CES5A: variants seen among roughly 807,000 people sequenced by gnomAD.
The protein encoded by CES5A is carboxylesterase 5.
Under a neutral mutation model 62.9 loss-of-function variants are expected in CES5A, and 67 were observed. The ratio of observed to expected loss-of-function variants is 1.07; its 90% CI spans 0.88 to 1.31. The LOEUF (loss-of-function observed/expected upper bound fraction) is 1.31. CES5A is among the 50% of genes most tolerant of loss of function. The pLI is 0.00. For missense variants in CES5A, 748 were observed against 708.5 expected, an observed-to-expected ratio of 1.06 and a Z score of -0.63; for synonymous variants, 296 against 280.8, an observed-to-expected ratio of 1.05 and a Z score of -0.54.
At chr16:55,882,646 G>A (rs536730150) in intron 1 of CES5A, among the ~76,000 whole-genome samples, 7 of 152,336 alleles carry the variant, frequency 4.6e-5, no homozygotes, top group African/African-American at 1.7e-4. Flanking sequence ...ATGTCTAGGT[G>A]TGGAATGTGC....
At position 55,846,808 on chromosome 16, in the gene CES5A, G is replaced by A. The variant is rs142917769; in HGVS notation, c.1456C>T (p.Arg486Trp). The A allele has an allele frequency of 8.2e-4, 1,316 of 1,614,054 alleles. 10 individuals carry two copies. In the Middle Eastern group the frequency reaches 0.012, roughly 15 times the overall value. ...GATEEEKLLSRKMMKYWATFA... is the reference protein window; with the variant it reads ...GATEEEKLLSWKMMKYWATFA... ...GTAGCCCAGTATTTCATCATCTTCC[G>A]GCTCAGTAACTTCTCCTCCTCCGTG... The change falls in exon 12 of 13, where the codon CGG (arginine) becomes TGG (tryptophan). Residue 486 changes from arginine (R) to tryptophan (W), a missense_variant. Physicochemically the swap from Arg to Trp is moderately radical, Grantham distance 101. Transcript: ENST00000290567.
intron 4 of CES5A, among the ~76,000 whole-genome samples, chr16:55,868,945 A>T (rs576120895): frequency 2.0e-5 from 3 of 152,244 alleles, no homozygotes; most frequent in Admixed American, 6.5e-5. Flanking sequence ...ATGCATGGCA[A>T]GTGCACAGCC....
intron 1 of CES5A, among the ~76,000 whole-genome samples, chr16:55,922,250 T>A (rs2034212763): frequency 6.6e-6 from 1 of 151,968 alleles, no homozygotes; most frequent in Admixed American, 6.6e-5. Context: ...AAAGACATAG[T>A]ACCTGAATGA....
chr16:55,877,921 G>A (rs774690602), upstream of CES5A, among the ~76,000 whole-genome samples: 10 of 152,148 alleles, frequency 6.6e-5, no homozygotes, highest in African/African-American at 1.2e-4. Flanking sequence ...GGAAAGGAGC[G>A]GCAATAGAAA....
chr16:55,888,325 G>T (rs375374511), intron 1 of CES5A, among the ~76,000 whole-genome samples: 48 of 152,296 alleles, frequency 3.2e-4, no homozygotes, highest in African/African-American at 1.1e-3. Context: ...TCCTTCTGAT[G>T]TTGGAAAGTC....
intron 10 of CES5A, among the ~76,000 whole-genome samples, chr16:55,850,850 T>C (rs1237980746): frequency 2.0e-5 from 3 of 152,246 alleles, no homozygotes; most frequent in African/African-American, 7.2e-5. Context: ...AGCAGCAGTG[T>C]ATGAGAGTTT....
chr16:55,950,414 T>C (rs1291233043), intron 1 of CES5A, among the ~76,000 whole-genome samples: 7 of 152,184 alleles, frequency 4.6e-5, no homozygotes, highest in African/African-American at 1.7e-4. Flanking sequence ...GTAGCACACA[T>C]ACAAAATTAT....
At chr16:55,949,315 G>A (rs1358515320) in intron 2 of CES5A, among the ~76,000 whole-genome samples, 5 of 152,186 alleles carry the variant, frequency 3.3e-5, no homozygotes, top group Admixed American at 2.6e-4. Flanking sequence ...GTGATCCTTC[G>A]GAACTGCCTG....
At chr16:55,941,786 G>A (rs1362394) in intron 2 of CES5A, among the ~76,000 whole-genome samples, 8,253 of 152,120 alleles carry the variant, frequency 0.054, 544 homozygotes, top group African/African-American at 0.15. Flanking sequence ...ATAGCATAAG[G>A]GAGTTTCTTG....
chr16:55,875,130 T>C lies in CES5A; in HGVS notation c.73+19A>G. The C allele has an allele frequency of 5.0e-6, 8 of 1,612,050 alleles. No individual in the cohort carries two copies. The highest frequency in any genetic ancestry group is 6.8e-6 in the Non-Finnish European group (8 of 1,178,116). Reference sequence around the variant, plus strand: ...CACCCCATCTTCTGAGAGCCCTCCTTTCCCATTGGATATCTCACCTTTGGT... The same window carrying C: ...CACCCCATCTTCTGAGAGCCCTCCTCTCCCATTGGATATCTCACCTTTGGT... On this transcript the variant is annotated intron_variant, in intron 1 of 12. Transcript: ENST00000290567.
At chr16:55,948,394 C>T (rs1597163209) in intron 2 of CES5A, among the ~76,000 whole-genome samples, 1 of 152,198 alleles carries the variant, frequency 6.6e-6, no homozygotes, top group Non-Finnish European at 1.5e-5. Flanking sequence ...AGTTAATCTG[C>T]ACTTTACATA....
intron 1 of CES5A, among the ~76,000 whole-genome samples, chr16:55,889,824 T>C (rs1475025384): frequency 6.6e-6 from 1 of 152,162 alleles, no homozygotes; most frequent in Non-Finnish European, 1.5e-5. Flanking sequence ...CCCCCAGCCA[T>C]CAGTCATCTC....
At chr16:55,876,547 T>A (rs2033696426), upstream of CES5A, among the ~76,000 whole-genome samples, 1 of 151,924 alleles carries the variant, frequency 6.6e-6, no homozygotes, top group Non-Finnish European at 1.5e-5. Flanking sequence ...GTGCCCTGAC[T>A]CCCCCTCTTA....
At chr16:55,889,340 G>A (rs1458800708) in intron 1 of CES5A, among the ~76,000 whole-genome samples, 1 of 152,130 alleles carries the variant, frequency 6.6e-6, no homozygotes, top group African/African-American at 2.4e-5. Context: ...AGTCCCATAA[G>A]CCTGCTCCCC....
In CES5A at chr16:55,918,433, G is replaced by A. The variant is rs78026033; in HGVS notation, c.-256+6890C>T. 8.0e-3 allele frequency among the ~76,000 whole-genome samples: 1,213 copies of A among 152,244 alleles called. 16 individuals carry two copies. Among genetic ancestry groups the A allele is most frequent in the African/African-American group, 0.024 (980 of 41,526 alleles). On this transcript the variant is annotated intron_variant, in intron 1 of 12. Coordinates refer to the CES5A transcript ENST00000518005. ...ATTGAAATATCTCTTCCCCAGAGAG[G>A]CCTTTCCTGGATTTACCTCCCTGCC...
intron 1 of CES5A, among the ~76,000 whole-genome samples, chr16:55,882,761 C>T (rs1026912299): frequency 6.6e-6 from 1 of 152,134 alleles, no homozygotes; most frequent in South Asian, 2.1e-4. Flanking sequence ...CATGTTCTGC[C>T]CATGGGATTC....
chr16:55,886,001 A>G (rs2033811769), intron 1 of CES5A, among the ~76,000 whole-genome samples: 2 of 152,280 alleles, frequency 1.3e-5, no homozygotes, highest in Admixed American at 6.5e-5. Context: ...TACTGCACCA[A>G]TGCTTCCCCT....
At chr16:55,871,563 G>A in intron 3 of CES5A, 62 bp downstream of exon 3, 1 of 1,598,970 alleles carries the variant, frequency 6.3e-7, no homozygotes, top group African/African-American at 1.3e-5. Context: ...TAGCTGCACT[G>A]CCTGGATCCC....
At chr16:55,882,825 C>A (rs2142425905) in intron 1 of CES5A, among the ~76,000 whole-genome samples, 1 of 152,320 alleles carries the variant, frequency 6.6e-6, no homozygotes, top group South Asian at 2.1e-4. Context: ...GCTTATCTCC[C>A]ACCCTCTGGA....
Sources: gnomAD v4.1 joint callset for allele counts (sites outside exome capture counted in the v4.1 genomes callset) on GRCh38, gnomAD v4.1.1 for gene constraint, MANE v1.5 for transcripts, NCBI Gene and HGNC (gene_info 2026-07-23, HGNC 2026-07-21) for gene names.